Variants in SPATA16 observed in about 807,000 individuals in gnomAD.
SPATA16 encodes spermatogenesis associated 16, also known as spermatogenesis-associated protein 16.
SPATA16 carries 36 observed loss-of-function variants against 63.3 expected under a neutral mutation model. The observed-to-expected ratio is 0.57, with a 90% confidence interval of 0.44 to 0.75. The LOEUF is 0.75. Among genes scored for constraint, SPATA16 ranks in the 30% least tolerant of loss-of-function variants. SPATA16 has a pLI of 0.00. For missense variants in SPATA16, 646 were observed against 679.3 expected, an observed-to-expected ratio of 0.95 and a Z score of 0.54; for synonymous variants, 203 against 216.7, an observed-to-expected ratio of 0.94 and a Z score of 0.56.
intron 5 of SPATA16, among the ~76,000 whole-genome samples, chr3:172,971,250 T>G (rs1734040777): frequency 6.6e-6 from 1 of 152,194 alleles, no homozygotes; most frequent in Non-Finnish European, 1.5e-5. Flanking sequence ...CAAAAGTTGT[T>G]TACAATTGTG....
intron 10 of SPATA16, among the ~76,000 whole-genome samples, chr3:172,902,713 C>T (rs925226070): frequency 1.3e-5 from 2 of 152,186 alleles, no homozygotes; most frequent in Admixed American, 6.5e-5. Flanking sequence ...ATGTTCCTCT[C>T]CAGAGTCTAT....
At chr3:172,923,118 A>C (rs994209525) in intron 8 of SPATA16, among the ~76,000 whole-genome samples, 1 of 152,142 alleles carries the variant, frequency 6.6e-6, no homozygotes. Context: ...CCCTGCTTGC[A>C]TGGGCCTGAT....
At chr3:173,130,256 A>G (rs924137743) in intron 1 of SPATA16, among the ~76,000 whole-genome samples, 19 of 146,176 alleles carry the variant, frequency 1.3e-4, no homozygotes, top group African/African-American at 4.8e-4. Context: ...GCTACTTGGG[A>G]GGCTGAGGCA....
At chr3:173,064,952 G>C (rs1736480412) in intron 2 of SPATA16, among the ~76,000 whole-genome samples, 1 of 152,180 alleles carries the variant, frequency 6.6e-6, no homozygotes, top group African/African-American at 2.4e-5. Flanking sequence ...TGCAACTCAT[G>C]TGAAGGTGTA....
intron 4 of SPATA16, among the ~76,000 whole-genome samples, chr3:172,991,258 G>A (rs1734571111): frequency 1.3e-5 from 2 of 152,058 alleles, no homozygotes; most frequent in Non-Finnish European, 2.9e-5. Context: ...AGCCTCCATG[G>A]TTAAATATAC....
intron 10 of SPATA16, among the ~76,000 whole-genome samples, chr3:172,911,378 G>A (rs1732368721): frequency 6.6e-6 from 1 of 152,112 alleles, no homozygotes; most frequent in African/African-American, 2.4e-5. Flanking sequence ...TTTTGGCTTA[G>A]TAGGGTCCCT....
intron 4 of SPATA16, among the ~76,000 whole-genome samples, chr3:172,991,703 C>T (rs1263569631): frequency 1.3e-5 from 2 of 152,050 alleles, no homozygotes; most frequent in African/African-American, 2.4e-5. Flanking sequence ...CACTGCTTCA[C>T]AGATTATGCA....
At chr3:172,961,043 T>C (rs1440965378) in intron 5 of SPATA16, among the ~76,000 whole-genome samples, 1 of 92,472 alleles carries the variant, frequency 1.1e-5, no homozygotes, top group African/African-American at 3.8e-5. Context: ...TTTCTTTCTT[T>C]CTTTCTTCTT....
At chr3:172,965,383 G>A (rs2108242717) in intron 5 of SPATA16, among the ~76,000 whole-genome samples, 1 of 152,340 alleles carries the variant, frequency 6.6e-6, no homozygotes, top group Admixed American at 6.5e-5. Flanking sequence ...GAGGGCAGAA[G>A]TGGAATCTTT....
intron 6 of SPATA16, among the ~76,000 whole-genome samples, chr3:172,928,126 C>A (rs1233756143): frequency 1.3e-5 from 2 of 152,234 alleles, no homozygotes; most frequent in African/African-American, 4.8e-5. Flanking sequence ...TCAAGCTGGT[C>A]TTGAACTCCT....
At chr3:172,916,714 A>G (rs1221216406) in intron 8 of SPATA16, among the ~76,000 whole-genome samples, 1 of 152,094 alleles carries the variant, frequency 6.6e-6, no homozygotes, top group Non-Finnish European at 1.5e-5. Flanking sequence ...GGATTTGCTG[A>G]TTGTCTTGCA....
chr3:172,925,230 G>T, intron 7 of SPATA16, 116 bp downstream of exon 7: 3 of 1,187,208 alleles, frequency 2.5e-6, no homozygotes, highest in Non-Finnish European at 3.6e-6. Context: ...TCCAGGTATT[G>T]TTAACTAACC....
chr3:172,985,752 G>A (rs1734439365), intron 4 of SPATA16, among the ~76,000 whole-genome samples: 2 of 152,150 alleles, frequency 1.3e-5, no homozygotes, highest in African/African-American at 4.8e-5. Flanking sequence ...CACATGCTAG[G>A]GAATTGAAAG....
At chr3:173,081,486 A>G in intron 2 of SPATA16, among the ~76,000 whole-genome samples, 1 of 152,190 alleles carries the variant, frequency 6.6e-6, no homozygotes, top group East Asian at 1.9e-4. Flanking sequence ...ACAAATACAA[A>G]ATCATAATGA....
At chr3:173,088,020 T>C (rs574596829) in intron 2 of SPATA16, among the ~76,000 whole-genome samples, 1,131 of 91,594 alleles carry the variant, frequency 0.012, 39 homozygotes, top group African/African-American at 0.048. Flanking sequence ...CTTTCTTTCT[T>C]TCTTTCTTTC....
intron 1 of SPATA16, among the ~76,000 whole-genome samples, chr3:173,138,018 A>G (rs1335805520): frequency 6.6e-6 from 1 of 152,094 alleles, no homozygotes; most frequent in African/African-American, 2.4e-5. Context: ...AGTGATTTAT[A>G]TCATGTTTTT....
intron 3 of SPATA16, among the ~76,000 whole-genome samples, chr3:173,043,852 T>C (rs1194690986): frequency 1.3e-5 from 2 of 152,124 alleles, no homozygotes; most frequent in Admixed American, 1.3e-4. Flanking sequence ...TATATGAAAA[T>C]ATTTTCATTT....
chr3:172,975,532 G>A (rs984927469), intron 5 of SPATA16, among the ~76,000 whole-genome samples: 5 of 151,998 alleles, frequency 3.3e-5, no homozygotes, highest in Non-Finnish European at 2.9e-5. Context: ...TATAGCTATA[G>A]CCCATATTAT....
chr3:173,088,475 A>T (rs1448673937), intron 2 of SPATA16, among the ~76,000 whole-genome samples: 1 of 151,690 alleles, frequency 6.6e-6, no homozygotes, highest in African/African-American at 2.4e-5. Context: ...ATTTAGAAAC[A>T]TATTTTATAT....
Sources: gnomAD v4.1 joint callset for allele counts (sites outside exome capture counted in the v4.1 genomes callset) on GRCh38, gnomAD v4.1.1 for gene constraint, MANE v1.5 for transcripts, NCBI Gene and HGNC (gene_info 2026-07-23, HGNC 2026-07-21) for gene names.